The following KCND2 variants were observed in gnomAD, a reference collection of about 807,000 sequenced individuals.
KCND2 encodes potassium voltage-gated channel subfamily D member 2.
KCND2 carries 16 observed loss-of-function variants against 54.4 expected under a neutral mutation model. The observed-to-expected ratio is 0.29, with a 90% CI of 0.20 to 0.45. The LOEUF (loss-of-function observed/expected upper bound fraction) is 0.45. Ranked by LOEUF, KCND2 falls within the 20% of genes least tolerant of loss-of-function variation. The probability of loss-of-function intolerance (pLI) is 1.00; values close to 1 mark genes in which losing one functional copy is unlikely to be tolerated. For missense variants in KCND2, 486 were observed against 824.2 expected, an observed-to-expected ratio of 0.59 and a Z score of 5.02; for synonymous variants, 317 against 310.7, an observed-to-expected ratio of 1.02 and a Z score of -0.21.
At chr7:120,369,837 C>T (rs952921636) in intron 1 of KCND2, among the ~76,000 whole-genome samples, 2 of 151,954 alleles carry the variant, frequency 1.3e-5, no homozygotes, top group African/African-American at 4.8e-5. Flanking sequence ...AATCAATGAA[C>T]AAAAGAAGAA....
At chr7:120,528,722 A>T (rs542972004) in intron 1 of KCND2, among the ~76,000 whole-genome samples, 22 of 152,196 alleles carry the variant, frequency 1.4e-4, no homozygotes, top group African/African-American at 5.3e-4. Flanking sequence ...GTATAACAAA[A>T]TTTTTCATTC....
chr7:120,329,346 C>G (rs1800029286), intron 1 of KCND2, among the ~76,000 whole-genome samples: 1 of 152,060 alleles, frequency 6.6e-6, no homozygotes, highest in Non-Finnish European at 1.5e-5. Context: ...TGGTCTCAAA[C>G]TCCTGACCTC....
At chr7:120,722,941 A>C (rs888726071) in intron 1 of KCND2, among the ~76,000 whole-genome samples, 1 of 152,148 alleles carries the variant, frequency 6.6e-6, no homozygotes, top group African/African-American at 2.4e-5. Flanking sequence ...GGCTGGTTAT[A>C]AGAAAACAGG....
chr7:120,278,094 A>G (rs1584708081), intron 1 of KCND2, among the ~76,000 whole-genome samples: 3 of 152,044 alleles, frequency 2.0e-5, no homozygotes, highest in Admixed American at 2.0e-4. Context: ...ATGAGAACAT[A>G]TATGGACACT....
intron 1 of KCND2, among the ~76,000 whole-genome samples, chr7:120,394,727 G>T (rs945508649): frequency 2.6e-5 from 4 of 151,962 alleles, no homozygotes; most frequent in African/African-American, 9.7e-5. Context: ...AGGGAGAGTA[G>T]TCAGCCTGTG....
intron 1 of KCND2, among the ~76,000 whole-genome samples, chr7:120,703,716 T>A (rs1485113059): frequency 6.6e-6 from 1 of 152,100 alleles, no homozygotes; most frequent in African/African-American, 2.4e-5. Flanking sequence ...GGAGGAGAAA[T>A]GCTGATACAT....
intron 1 of KCND2, among the ~76,000 whole-genome samples, chr7:120,596,078 A>G (rs1455911366): frequency 1.3e-5 from 2 of 152,182 alleles, no homozygotes; most frequent in African/African-American, 2.4e-5. Context: ...GTGATGTCAA[A>G]TGAATTTTTC....
chr7:120,430,465 A>G (rs1254291369), intron 1 of KCND2, among the ~76,000 whole-genome samples: 1 of 152,100 alleles, frequency 6.6e-6, no homozygotes, highest in Non-Finnish European at 1.5e-5. Flanking sequence ...CTAAAAATAC[A>G]AAAATTACCT....
At chr7:120,320,720 T>C (rs1799882506) in intron 1 of KCND2, among the ~76,000 whole-genome samples, 1 of 152,066 alleles carries the variant, frequency 6.6e-6, no homozygotes, top group Admixed American at 6.6e-5. Context: ...GAGACACATT[T>C]AGAAAGCAAA....
intron 1 of KCND2, among the ~76,000 whole-genome samples, chr7:120,588,259 C>T (rs548710363): frequency 6.6e-6 from 1 of 152,152 alleles, no homozygotes; most frequent in African/African-American, 2.4e-5. Context: ...TTAAAAGTTC[C>T]TATCTCATTT....
At chr7:120,307,992 A>G (rs564910304) in intron 1 of KCND2, among the ~76,000 whole-genome samples, 2 of 152,272 alleles carry the variant, frequency 1.3e-5, no homozygotes, top group South Asian at 2.1e-4. Context: ...ATTTTATGAT[A>G]CAAGCCTTTT....
At position 120,747,709 on chromosome 7, in the gene KCND2, G is replaced by C; in HGVS notation, c.1744G>C (p.Glu582Gln). 1 of 1,612,480 alleles carries C rather than the reference G, an allele frequency of 6.2e-7. No individual in the cohort carries two copies. The change falls in exon 6 of 6, where the codon GAG becomes CAG. Residue 582 changes from glutamate (E) to glutamine (Q), a missense_variant. Coordinates refer to ENST00000331113, the MANE Select transcript of KCND2 (RefSeq NM_012281.3). The part of the protein sequence containing the change: ...SRSSLNAKME[E>Q]CVKLNCEQPY... ...ATCCAGTTTAAATGCCAAAATGGAA[G>C]AGTGTGTTAAACTAAACTGTGAACA...
At chr7:120,648,695 T>G (rs1328472296) in intron 1 of KCND2, among the ~76,000 whole-genome samples, 1 of 152,234 alleles carries the variant, frequency 6.6e-6, no homozygotes, top group African/African-American at 2.4e-5. Flanking sequence ...GGTATTTTCC[T>G]TAAGCCTATT....
chr7:120,681,420 A>G (rs1222662459), intron 1 of KCND2, among the ~76,000 whole-genome samples: 1 of 152,054 alleles, frequency 6.6e-6, no homozygotes, highest in African/African-American at 2.4e-5. Flanking sequence ...CAGGATAATC[A>G]CATTCCAACT....
At chr7:120,355,341 C>G (rs2402527) in intron 1 of KCND2, among the ~76,000 whole-genome samples, 2 of 151,956 alleles carry the variant, frequency 1.3e-5, no homozygotes, top group South Asian at 4.1e-4. Context: ...GAAGTCAGGA[C>G]TTCAAGACTA....
At chr7:120,690,535 G>GT (rs1322323904) in intron 1 of KCND2, among the ~76,000 whole-genome samples, 1 of 152,164 alleles carries the variant, frequency 6.6e-6, no homozygotes, top group African/African-American at 2.4e-5. Flanking sequence ...GACATACCCT[G>GT]TTTGCATCAC....
intron 1 of KCND2, among the ~76,000 whole-genome samples, chr7:120,316,181 A>G: frequency 6.6e-6 from 1 of 152,128 alleles, no homozygotes. Flanking sequence ...ACTCTTTTAC[A>G]TTTGCCTTAA....
chr7:120,705,903 C>G (rs1167336591), intron 1 of KCND2, among the ~76,000 whole-genome samples: 3 of 151,958 alleles, frequency 2.0e-5, no homozygotes, highest in Non-Finnish European at 4.4e-5. Context: ...CTTTTCTTTT[C>G]TCATTTCACC....
chr7:120,670,940 G>A (rs974494079), intron 1 of KCND2, among the ~76,000 whole-genome samples: 3 of 150,696 alleles, frequency 2.0e-5, no homozygotes, highest in Non-Finnish European at 4.4e-5. Flanking sequence ...AGAAAGAAAA[G>A]GGATGAATGT....
Sources: allele counts gnomAD v4.1 joint callset (sites outside exome capture counted in the v4.1 genomes callset), GRCh38; gene constraint gnomAD v4.1.1; transcripts MANE v1.5; gene names NCBI Gene and HGNC (gene_info 2026-07-23, HGNC 2026-07-21).